PGPEP1L: variants seen among roughly 807,000 people sequenced by gnomAD.
PGPEP1L encodes pyroglutamyl-peptidase 1-like protein.
In PGPEP1L, 7 loss-of-function variants were observed where a neutral mutation model predicts 6.0. The observed-to-expected ratio is 1.17, with a 90% CI of 0.66 to 2.19. The LOEUF (loss-of-function observed/expected upper bound fraction) is 2.19. Among genes scored for constraint, PGPEP1L ranks in the 30% most tolerant of loss-of-function variants. The pLI is 0.00. For synonymous variants in PGPEP1L, 103 were observed against 83.9 expected, an observed-to-expected ratio of 1.23 and a Z score of -1.24; for missense variants, 209 against 192.5, an observed-to-expected ratio of 1.09 and a Z score of -0.51.
intron 2 of PGPEP1L, among the ~76,000 whole-genome samples, chr15:98,979,040 T>A (rs2017616120): frequency 6.6e-6 from 1 of 150,970 alleles, no homozygotes; most frequent in Non-Finnish European, 1.5e-5. Context: ...AGGATATATA[T>A]ATATATATAT....
rs769257723 is a variant in PGPEP1L, at chr15:98,971,205, GGGGGGT to G, written c.-141-53_-141-48del. 1,178 of 202,492 alleles carry G rather than the reference GGGGGGT, an allele frequency of 5.8e-3. 43 individuals carry two copies. Among genetic ancestry groups the G allele is most frequent in the African/African-American group, 0.037 (624 of 17,020 alleles). 12.5% of individuals were successfully genotyped at this position (202,492 alleles called of 1,614,324 possible). On this transcript the variant is annotated intron_variant, in intron 2 of 4. Coordinates refer to ENST00000535714, the MANE Select transcript of PGPEP1L (RefSeq NM_001167902.2). ...CTTGCCTCAGTTGATGGGGGGGGGG[GGGGGGT>G]GGGCACCAAGAGTCCCTGAAAACCC... is the stretch of plus-strand genomic sequence containing the variant.
intron 2 of PGPEP1L, chr15:99,001,189 C>T (rs149174294): frequency 0.078 from 34,071 of 434,790 alleles, 2,639 homozygotes; most frequent in East Asian, 0.33. Flanking sequence ...ACACTCACCA[C>T]GAGAGTCCGC....
At chr15:99,004,716 CA>C (rs778276596) in intron 2 of PGPEP1L, among the ~76,000 whole-genome samples, 127 of 151,462 alleles carry the variant, frequency 8.4e-4, no homozygotes, top group Middle Eastern at 3.4e-3. Flanking sequence ...GACTCTGTCT[CA>C]AAAAAAAATT....
chr15:99,003,098 C>CAT (rs1461251923), intron 2 of PGPEP1L, among the ~76,000 whole-genome samples: 2 of 151,590 alleles, frequency 1.3e-5, no homozygotes, highest in African/African-American at 4.9e-5. Context: ...CCAAAAAGCC[C>CAT]ATGGTGTCCT....
intron 2 of PGPEP1L, among the ~76,000 whole-genome samples, chr15:98,988,834 A>C (rs2017783168): frequency 6.6e-6 from 1 of 152,190 alleles, no homozygotes. Context: ...ACCCAGACAA[A>C]CAGGGTCTAC....
At chr15:98,986,529 C>T (rs139135617) in intron 2 of PGPEP1L, among the ~76,000 whole-genome samples, 11 of 152,340 alleles carry the variant, frequency 7.2e-5, no homozygotes, top group Non-Finnish European at 1.0e-4. Flanking sequence ...CCAGACCTCA[C>T]CCTTCATAAT....
intron 2 of PGPEP1L, among the ~76,000 whole-genome samples, chr15:98,976,613 A>G (rs1284609741): frequency 6.6e-6 from 1 of 152,226 alleles, no homozygotes; most frequent in Non-Finnish European, 1.5e-5. Context: ...GCAAAAACCC[A>G]GATCAAAACA....
intron 2 of PGPEP1L, among the ~76,000 whole-genome samples, chr15:98,977,855 T>TA (rs1381329802): frequency 2.0e-5 from 3 of 152,246 alleles, no homozygotes; most frequent in African/African-American, 7.2e-5. Context: ...GCACTGTTAT[T>TA]AGGAGCATGA....
In PGPEP1L at chr15:98,968,523, C is replaced by T. The variant is rs762542698; in HGVS notation, c.384G>A (p.Gln128=). 1.2e-6 allele frequency: 2 copies of T among 1,613,624 alleles called. No homozygotes were observed. Among genetic ancestry groups the T allele is most frequent in the East Asian group, 2.2e-5 (1 of 44,874 alleles). The change falls in exon 5 of 5, where the codon CAG becomes CAA. Residue 128 remains glutamine, a synonymous_variant. Coordinates refer to ENST00000535714, the MANE Select transcript of PGPEP1L (RefSeq NM_001167902.2). The part of the protein sequence containing the change: ...EEVGKPKHRA[Q]FEENSTMVLP... Reference sequence around the variant, plus strand: ...GGACCATGGTTGAGTTTTCTTCGAACTGGGCTCTGTGCTTGGGCTTTCCCA... The same window carrying T: ...GGACCATGGTTGAGTTTTCTTCGAATTGGGCTCTGTGCTTGGGCTTTCCCA...
Position 98,970,973 on chromosome 15 carries a change from G to T in PGPEP1L, c.-19+63C>A, listed in dbSNP as rs910635591. On this transcript the variant is annotated intron_variant, in intron 3 of 4. Transcript: ENST00000535714. Reference sequence around the variant, plus strand: ...ATCAACCCTAGAACCAGGACCCGGGGGTTCAGAGGCTCCAGCTCCACATCG... The same window carrying T: ...ATCAACCCTAGAACCAGGACCCGGGTGTTCAGAGGCTCCAGCTCCACATCG... 6 of 1,599,668 alleles carry T rather than the reference G, an allele frequency of 3.8e-6. No individual in the cohort carries two copies. The African/African-American group carries it at 6.7e-5, about 18-fold the overall frequency.
At chr15:98,981,139 T>C (rs2017652700) in intron 2 of PGPEP1L, among the ~76,000 whole-genome samples, 1 of 152,038 alleles carries the variant, frequency 6.6e-6, no homozygotes, top group South Asian at 2.1e-4. Flanking sequence ...AAAGTCCCAA[T>C]TGAGGAACAA....
chr15:98,972,691 ACCC>A (rs946222322), intron 2 of PGPEP1L, among the ~76,000 whole-genome samples: 2 of 151,398 alleles, frequency 1.3e-5, no homozygotes, highest in African/African-American at 2.4e-5. Flanking sequence ...ACACAGTGAA[ACCC>A]CCCCATCTCT....
intron 2 of PGPEP1L, among the ~76,000 whole-genome samples, chr15:98,993,513 T>G (rs1178519413): frequency 6.6e-6 from 1 of 152,044 alleles, no homozygotes; most frequent in Non-Finnish European, 1.5e-5. Flanking sequence ...TGTAAACTAG[T>G]TCAACAATTA....
At chr15:98,995,328 CATGTATATCTAT>C (rs1434637440) in intron 2 of PGPEP1L, among the ~76,000 whole-genome samples, 3 of 152,156 alleles carry the variant, frequency 2.0e-5, no homozygotes, top group Non-Finnish European at 4.4e-5. Context: ...TATGCATATG[CATGTATATCTAT>C]ATGTATATCT....
intron 2 of PGPEP1L, among the ~76,000 whole-genome samples, chr15:98,997,737 T>A (rs1555472620): frequency 3.3e-5 from 5 of 152,148 alleles, no homozygotes; most frequent in African/African-American, 9.7e-5. Flanking sequence ...GCTTTATTAT[T>A]CCCTCATTTC....
At chr15:98,983,374 G>T (rs2017697635) in intron 2 of PGPEP1L, among the ~76,000 whole-genome samples, 1 of 152,022 alleles carries the variant, frequency 6.6e-6, no homozygotes, top group Non-Finnish European at 1.5e-5. Context: ...TCATCTTTGG[G>T]GCAAAGAGAA....
At chr15:98,989,475 C>G (rs943683998) in intron 2 of PGPEP1L, among the ~76,000 whole-genome samples, 7 of 152,126 alleles carry the variant, frequency 4.6e-5, no homozygotes, top group African/African-American at 1.7e-4. Flanking sequence ...AAATATGGGA[C>G]TATGTGAAAA....
chr15:98,973,125 A>G (rs1006263484), intron 2 of PGPEP1L, among the ~76,000 whole-genome samples: 2 of 152,222 alleles, frequency 1.3e-5, no homozygotes, highest in Non-Finnish European at 2.9e-5. Context: ...GAAGAACATC[A>G]TATAATGACA....
intron 1 of PGPEP1L, among the ~76,000 whole-genome samples, chr15:99,007,134 G>A (rs117839144): frequency 2.0e-4 from 30 of 152,340 alleles, no homozygotes; most frequent in Non-Finnish European, 4.1e-4. Context: ...GTGGGCTGCA[G>A]GCCTCTTCAC....
Sources: allele counts gnomAD v4.1 joint callset (sites outside exome capture counted in the v4.1 genomes callset), GRCh38; gene constraint gnomAD v4.1.1; transcripts MANE v1.5; gene names NCBI Gene and HGNC (gene_info 2026-07-23, HGNC 2026-07-21).